The following CHRNA7 variants were observed in gnomAD, a reference collection of about 807,000 sequenced individuals.
CHRNA7 encodes the protein cholinergic receptor nicotinic alpha 7 subunit.
Under a neutral mutation model 48.0 loss-of-function variants are expected in CHRNA7, and 17 were observed. That is an observed-to-expected ratio of 0.35 (90% CI 0.24 to 0.53). CHRNA7 has a LOEUF of 0.53. Ranked by LOEUF, CHRNA7 falls within the 20% of genes least tolerant of loss-of-function variation. CHRNA7 has a pLI of 0.92. For synonymous variants in CHRNA7, 75 were observed against 242.3 expected, an observed-to-expected ratio of 0.31 and a Z score of 6.41; for missense variants, 155 against 577.7, an observed-to-expected ratio of 0.27 and a Z score of 7.50.
chr15:32,044,126 G>T (rs2049495830), intron 2 of CHRNA7, among the ~76,000 whole-genome samples: 1 of 152,108 alleles, frequency 6.6e-6, no homozygotes, highest in African/African-American at 2.4e-5. Flanking sequence ...TAACAGTTTT[G>T]CTATGATAAG....
chr15:32,114,070 A>ATATG (rs2050821859), intron 4 of CHRNA7, among the ~76,000 whole-genome samples: 1 of 135,174 alleles, frequency 7.4e-6, no homozygotes, highest in African/African-American at 2.8e-5. Context: ...ACATATATAT[A>ATATG]TATATACACA....
chr15:32,038,020 A>G (rs2141165882), intron 2 of CHRNA7, among the ~76,000 whole-genome samples: 1 of 148,266 alleles, frequency 6.7e-6, no homozygotes, highest in South Asian at 2.1e-4. Context: ...TTTTCTTATC[A>G]TTAGGTATGA....
In CHRNA7 at chr15:32,101,488, C is replaced by G. The variant is rs1372154274; in HGVS notation, c.240+141C>G. On this transcript the variant is annotated intron_variant, in intron 3 of 9. Coordinates refer to ENST00000306901, the MANE Select transcript of CHRNA7 (RefSeq NM_000746.6). ...AAAAAACAAAAGGCCATGGCTGTCA[C>G]ACCAACTCCACACCTGCCAACAATG... 3.8e-6 allele frequency: 3 copies of G among 789,298 alleles called. No homozygotes were observed. The African/African-American group carries it at 5.2e-5, about 14-fold the overall frequency. 48.9% of individuals were successfully genotyped at this position (789,298 alleles called of 1,614,324 possible).
chr15:32,044,235 A>G (rs2049497577), intron 2 of CHRNA7, among the ~76,000 whole-genome samples: 1 of 112,310 alleles, frequency 8.9e-6, no homozygotes, highest in African/African-American at 3.0e-5. Flanking sequence ...AATTGTTGCC[A>G]GATCGATCGA....
intron 4 of CHRNA7, among the ~76,000 whole-genome samples, chr15:32,124,097 C>T (rs933897291): frequency 6.6e-6 from 1 of 151,800 alleles, no homozygotes; most frequent in Non-Finnish European, 1.5e-5. Context: ...CCAAAACAGA[C>T]TCCTAGATGG....
At position 32,148,959 on chromosome 15, in the gene CHRNA7, C is replaced by T. The variant is rs188415957; in HGVS notation, c.351-4948C>T. 2.5e-3 allele frequency among the ~76,000 whole-genome samples: 381 copies of T among 152,316 alleles called. 3 individuals are homozygous for T. The highest frequency in any genetic ancestry group is 4.1e-3 in the Non-Finnish European group (277 of 68,038). ...CCTCCTCCTACCCCCGCTAAGGACA[C>T]GTAGCTTGCGTCCTACATGTTTGAG... On this transcript the variant is annotated intron_variant, in intron 4 of 9. Coordinates refer to ENST00000306901, the MANE Select transcript of CHRNA7 (RefSeq NM_000746.6).
chr15:32,151,114 CTACT>C (rs1401153503), intron 4 of CHRNA7, among the ~76,000 whole-genome samples: 9 of 151,940 alleles, frequency 5.9e-5, no homozygotes, highest in African/African-American at 2.2e-4. Context: ...CATACAATTA[CTACT>C]TTTTTCCTAG....
chr15:32,090,448 A>G (rs1262881778), intron 2 of CHRNA7, among the ~76,000 whole-genome samples: 1 of 152,146 alleles, frequency 6.6e-6, no homozygotes, highest in Non-Finnish European at 1.5e-5. Flanking sequence ...ACTCTCATTC[A>G]TTGCTGGTTC....
At chr15:32,033,327 G>A (rs1349141907) in intron 2 of CHRNA7, among the ~76,000 whole-genome samples, 1 of 152,164 alleles carries the variant, frequency 6.6e-6, no homozygotes, top group Non-Finnish European at 1.5e-5. Flanking sequence ...TTCACTGAAG[G>A]TCTGCTCCAT....
At chr15:32,077,395 C>A (rs948424427) in intron 2 of CHRNA7, among the ~76,000 whole-genome samples, 2 of 152,184 alleles carry the variant, frequency 1.3e-5, no homozygotes, top group African/African-American at 4.8e-5. Flanking sequence ...AGTGCCTGTA[C>A]CATTTTCTGT....
At chr15:32,116,499 G>A (rs1299832325) in intron 4 of CHRNA7, among the ~76,000 whole-genome samples, 2 of 152,194 alleles carry the variant, frequency 1.3e-5, no homozygotes, top group Non-Finnish European at 2.9e-5. Context: ...TCATTTCTTT[G>A]TTGCTTTATT....
chr15:32,036,277 G>C (rs891804090), intron 2 of CHRNA7, among the ~76,000 whole-genome samples: 1 of 152,070 alleles, frequency 6.6e-6, no homozygotes, highest in East Asian at 1.9e-4. Flanking sequence ...CTCCTTTTTA[G>C]CACTGAATAA....
Position 32,032,680 on chromosome 15 carries a change from G to A in CHRNA7, c.195+1643G>A, listed in dbSNP as rs1901901330. Among the ~76,000 whole-genome samples, 3 of 152,256 alleles carry A rather than the reference G, an allele frequency of 2.0e-5. No individual in the cohort carries two copies. The South Asian group carries it at 6.2e-4, about 32-fold the overall frequency. ...CTCCAGCCAGGCTGTCACACTGTTT[G>A]TGTCTGCTCCACAGCTGTCTCTCTT... On this transcript the variant is annotated intron_variant, in intron 2 of 9. Transcript: ENST00000306901.
chr15:32,165,149 C>T (rs1016483726), intron 9 of CHRNA7, among the ~76,000 whole-genome samples: 6 of 46,452 alleles, frequency 1.3e-4, no homozygotes, highest in Non-Finnish European at 4.0e-5. Flanking sequence ...AAATGCAAGG[C>T]CAGAGGTGAG....
intron 4 of CHRNA7, among the ~76,000 whole-genome samples, chr15:32,138,102 ATAAGAAAAC>A (rs1181520720): frequency 1.3e-5 from 2 of 152,248 alleles, no homozygotes; most frequent in Non-Finnish European, 2.9e-5. Context: ...AATGTATTAA[ATAAGAAAAC>A]TAAAATAGAG....
At chr15:32,066,439 G>A (rs777542996) in intron 2 of CHRNA7, among the ~76,000 whole-genome samples, 21 of 152,054 alleles carry the variant, frequency 1.4e-4, no homozygotes, top group Non-Finnish European at 2.5e-4. Flanking sequence ...GTGCCACCAC[G>A]CCCAGCTAAT....
chr15:32,090,718 A>G (rs2050369881), intron 2 of CHRNA7, among the ~76,000 whole-genome samples: 1 of 152,160 alleles, frequency 6.6e-6, no homozygotes, highest in African/African-American at 2.4e-5. Context: ...TGCCAGAGCT[A>G]AAAAATGATG....
At chr15:32,045,150 A>C (rs902148721) in intron 2 of CHRNA7, among the ~76,000 whole-genome samples, 1 of 152,178 alleles carries the variant, frequency 6.6e-6, no homozygotes, top group African/African-American at 2.4e-5. Flanking sequence ...TATATTAATA[A>C]GACTTTTTTT....
chr15:32,132,791 G>A (rs770168151), intron 4 of CHRNA7, among the ~76,000 whole-genome samples: 3 of 152,094 alleles, frequency 2.0e-5, no homozygotes, highest in Admixed American at 6.5e-5. Flanking sequence ...CTTGCTTATC[G>A]TTTTTAGCCG....
Sources: allele counts gnomAD v4.1 joint callset (sites outside exome capture counted in the v4.1 genomes callset), GRCh38; gene constraint gnomAD v4.1.1; transcripts MANE v1.5; gene names NCBI Gene and HGNC (gene_info 2026-07-23, HGNC 2026-07-21).